MVB12B: variants seen among roughly 807,000 people sequenced by gnomAD.
MVB12B encodes the protein multivesicular body subunit 12B.
MVB12B carries 16 observed loss-of-function variants against 41.6 expected under a neutral mutation model. The observed-to-expected ratio is 0.38, with a 90% CI of 0.26 to 0.58. The LOEUF is 0.58. MVB12B is among the 20% of genes least tolerant of loss of function. The pLI, the probability that MVB12B is intolerant of heterozygous loss-of-function variation, is 0.62. For missense variants in MVB12B, 274 were observed against 380.2 expected (o/e 0.72, Z 2.32); for synonymous variants, 133 against 139.7 (o/e 0.95, Z 0.34).
chr9:126,498,358 C>T (rs951052407), intron 9 of MVB12B, among the ~76,000 whole-genome samples: 44 of 152,308 alleles, frequency 2.9e-4, no homozygotes, highest in East Asian at 7.7e-4. Flanking sequence ...CATCCGCCTG[C>T]CCAAGCCCAC....
rs1023284630 is a variant in MVB12B at position 126,504,131 on chromosome 9, G to A, written c.*868G>A. ...GGCCCCAGGAGGATACAGGCACACG[G>A]GCACCCAGCCCCTCTCAGAGCCAGG... On this transcript the variant is annotated 3_prime_UTR_variant, in exon 10 of 10. Coordinates refer to ENST00000361171, the MANE Select transcript of MVB12B (RefSeq NM_033446.3). The A allele has an allele frequency of 6.6e-6, 1 of 152,292 alleles. No individual in the cohort carries two copies. Among genetic ancestry groups the A allele is most frequent in the South Asian group, 2.1e-4 (1 of 4,836 alleles). The allele number at this position is 152,292 out of a possible 1,614,324, so 9.4% of individuals were successfully genotyped here.
intron 9 of MVB12B, among the ~76,000 whole-genome samples, chr9:126,501,055 C>A (rs1408519165): frequency 1.3e-5 from 2 of 152,338 alleles, no homozygotes; most frequent in Admixed American, 6.5e-5. Flanking sequence ...TGTGCCCAGG[C>A]GGCCACCAGG....
intron 7 of MVB12B, among the ~76,000 whole-genome samples, chr9:126,432,907 C>G (rs1832366741): frequency 6.6e-6 from 1 of 152,220 alleles, no homozygotes; most frequent in African/African-American, 2.4e-5. Context: ...TACTGGGCCT[C>G]AGCACTGTTT....
intron 2 of MVB12B, among the ~76,000 whole-genome samples, chr9:126,348,098 G>T (rs1186869412): frequency 1.3e-5 from 2 of 152,240 alleles, no homozygotes; most frequent in Non-Finnish European, 2.9e-5. Context: ...CACAGACTTT[G>T]AGTCCTGCCA....
At chr9:126,491,146 G>A (rs1306504746) in intron 9 of MVB12B, among the ~76,000 whole-genome samples, 4 of 152,354 alleles carry the variant, frequency 2.6e-5, no homozygotes, top group South Asian at 2.1e-4. Context: ...CGACACTGAG[G>A]TGGAATTAAT....
chr9:126,367,470 GC>G lies in MVB12B; in HGVS notation c.205-13590del, dbSNP rs1160030988. ...TGTCCTTTCTTCTAGGGGTGCGCCT[GC>G]CCCTCTGCCCCTACTTCGTTTCTGC... On this transcript the variant is annotated intron_variant, in intron 2 of 9. Transcript: ENST00000361171. The surrounding 1 kb of genome is among the most constrained non-coding windows in gnomAD (Gnocchi z 4.3). 1.3e-5 allele frequency among the ~76,000 whole-genome samples: 2 copies of G among 152,044 alleles called. No homozygotes were observed. The highest frequency in any genetic ancestry group is 2.4e-5 in the African/African-American group (1 of 41,390).
At chr9:126,365,249 T>C (rs1830141951) in intron 2 of MVB12B, among the ~76,000 whole-genome samples, 2 of 143,292 alleles carry the variant, frequency 1.4e-5, no homozygotes, top group South Asian at 4.4e-4. Flanking sequence ...GTATTTTTAA[T>C]AGAGACGGGG....
At chr9:126,432,435 ATAAT>A (rs1832354666) in intron 7 of MVB12B, among the ~76,000 whole-genome samples, 1 of 152,228 alleles carries the variant, frequency 6.6e-6, no homozygotes, top group African/African-American at 2.4e-5. Context: ...CTCTCTCAAA[ATAAT>A]AAACTCTCAG....
rs556279634 is a variant in MVB12B, at chr9:126,378,654, T to C, written c.205-2410T>C. Among the ~76,000 whole-genome samples the C allele has an allele frequency of 3.5e-3, 535 of 150,912 alleles. 2 individuals are homozygous for C. The highest frequency in any genetic ancestry group is 0.013 in the African/African-American group (512 of 40,726). ...TGTCTCTCTCTCTCTCTCTCTCTCTTTCTTTCTTCCCACCTCACCTCCCTG... is the reference window on the plus strand; with the variant it reads ...TGTCTCTCTCTCTCTCTCTCTCTCTCTCTTTCTTCCCACCTCACCTCCCTG... On this transcript the variant is annotated intron_variant, in intron 2 of 9. Coordinates refer to ENST00000361171, the MANE Select transcript of MVB12B (RefSeq NM_033446.3).
rs567217742 is a variant in MVB12B at position 126,420,561 on chromosome 9, C to CT, written c.663-1260dup. Among the ~76,000 whole-genome samples, 495 of 98,738 alleles carry CT rather than the reference C, an allele frequency of 5.0e-3. 11 individuals are homozygous for CT. Among genetic ancestry groups the CT allele is most frequent in the African/African-American group, 7.8e-3 (170 of 21,908 alleles). 64.8% of individuals were successfully genotyped at this position (98,738 alleles called of 152,430 possible). On this transcript the variant is annotated intron_variant, in intron 6 of 9. Coordinates refer to ENST00000361171, the MANE Select transcript of MVB12B (RefSeq NM_033446.3). ...CTGGAGAGCCTTTCCTCCCAGGAGT[C>CT]TTTTTTTTTTTTTTTTTTTTTTTTT...
At chr9:126,499,866 G>A (rs1833916574) in intron 9 of MVB12B, among the ~76,000 whole-genome samples, 1 of 152,090 alleles carries the variant, frequency 6.6e-6, no homozygotes, top group East Asian at 1.9e-4. Flanking sequence ...CCCTCCCCCA[G>A]CCCGCGGGCC....
intron 2 of MVB12B, among the ~76,000 whole-genome samples, chr9:126,342,975 C>T (rs759557027): frequency 1.3e-5 from 2 of 152,144 alleles, no homozygotes; most frequent in Admixed American, 6.5e-5. Flanking sequence ...GCACAGAGCC[C>T]GTTAAGTACT....
At chr9:126,439,007 G>A (rs1175002757) in intron 7 of MVB12B, among the ~76,000 whole-genome samples, 2 of 151,964 alleles carry the variant, frequency 1.3e-5, no homozygotes, top group African/African-American at 2.4e-5. Flanking sequence ...TTGAGAACAC[G>A]TCCTTGTTTG....
Position 126,326,935 on chromosome 9 carries a change from A to G in MVB12B, c.6A>G (p.Arg2=). 3.7e-6 allele frequency: 1 copy of G among 268,082 alleles called. No individual in the cohort carries two copies. The highest frequency in any genetic ancestry group is 2.9e-5 in the South Asian group (1 of 34,996). 16.6% of individuals were successfully genotyped at this position (268,082 alleles called of 1,614,324 possible). The change falls in exon 1 of 10, where the codon AGA becomes AGG. Residue 2 remains arginine (R), a synonymous_variant. Coordinates refer to ENST00000361171, the MANE Select transcript of MVB12B (RefSeq NM_033446.3). ...CCTCCCGCGCCGCCCGGGCGATGAG[A>G]AGCTGCTTCTGCGTGAGACGGAGCC... is the stretch of plus-strand genomic sequence containing the variant. M[R]SCFCVRRSRD...
At chr9:126,457,125 C>A (rs1280823798) in intron 7 of MVB12B, among the ~76,000 whole-genome samples, 1 of 152,172 alleles carries the variant, frequency 6.6e-6, no homozygotes, top group Non-Finnish European at 1.5e-5. Flanking sequence ...TAGAGCTGAG[C>A]TGCGCCCTCA....
In MVB12B at chr9:126,392,126, A is replaced by C; in HGVS notation, c.470A>C (p.Glu157Ala). 6.2e-7 allele frequency: 1 copy of C among 1,614,218 alleles called. No homozygotes were observed. The highest frequency in any genetic ancestry group is 8.5e-7 in the Non-Finnish European group (1 of 1,180,030). ...AAATTTATTCCACGGGATTCAACGG[A>C]AGCTGCGATTTGTGACATTCGGATC... ...CIKFIPRDST[E>A]AAICDIRIMG... Residue 157 changes from glutamate (E) to alanine (A), a missense_variant, in exon 5 of 10, where the codon GAA becomes GCA. Transcript: ENST00000361171. This position sits in a 1 kb window ranked among gnomAD's most constrained non-coding sequence, Gnocchi z 4.8.
At chr9:126,409,223 G>A (rs1831546994) in intron 6 of MVB12B, among the ~76,000 whole-genome samples, 1 of 152,036 alleles carries the variant, frequency 6.6e-6, no homozygotes, top group Non-Finnish European at 1.5e-5. Context: ...CGGTGCAGAT[G>A]ATCCAAAATA....
intron 7 of MVB12B, among the ~76,000 whole-genome samples, chr9:126,464,375 T>G (rs1213225536): frequency 6.6e-6 from 1 of 152,104 alleles, no homozygotes; most frequent in African/African-American, 2.4e-5. Flanking sequence ...AATAGCTAAA[T>G]CCTAAAGTGT....
chr9:126,446,780 T>C (rs1044202211), intron 7 of MVB12B, among the ~76,000 whole-genome samples: 1 of 151,960 alleles, frequency 6.6e-6, no homozygotes, highest in Admixed American at 6.6e-5. Context: ...TATAGTCATA[T>C]ATATCCTGAT....
Sources: gnomAD v4.1 joint callset for allele counts (sites outside exome capture counted in the v4.1 genomes callset) on GRCh38, gnomAD v4.1.1 for gene constraint, Gnocchi (gnomAD v3.1) non-coding constraint, MANE v1.5 for transcripts, NCBI Gene and HGNC (gene_info 2026-07-23, HGNC 2026-07-21) for gene names.